Variants in IKZF3 observed in about 807,000 individuals in gnomAD.
IKZF3 encodes the protein IKAROS family zinc finger 3, also known as zinc finger protein Aiolos.
IKZF3 carries 10 observed loss-of-function variants against 49.0 expected under a neutral mutation model. The observed-to-expected ratio is 0.20, with a 90% CI of 0.13 to 0.35. The LOEUF (loss-of-function observed/expected upper bound fraction) is 0.35, where lower values mean the gene tolerates loss of function less well. Ranked by LOEUF, IKZF3 falls within the 10% of genes least tolerant of loss-of-function variation. The pLI is 1.00. For synonymous variants in IKZF3, 209 were observed against 228.2 expected, an observed-to-expected ratio of 0.92 and a Z score of 0.76; for missense variants, 498 against 664.8, an observed-to-expected ratio of 0.75 and a Z score of 2.76.
intron 6 of IKZF3, among the ~76,000 whole-genome samples, chr17:39,786,779 G>T (rs1222872755): frequency 6.6e-5 from 10 of 151,934 alleles, no homozygotes; most frequent in Non-Finnish European, 5.9e-5. Flanking sequence ...TTATAAGGGG[G>T]TAAACATTTC....
At chr17:39,810,887 G>T (rs1475152232) in intron 3 of IKZF3, among the ~76,000 whole-genome samples, 1 of 152,122 alleles carries the variant, frequency 6.6e-6, no homozygotes. Context: ...CCTTTGTTTG[G>T]CATCTTGGAA....
chr17:39,852,986 T>C (rs2062924815), intron 1 of IKZF3, among the ~76,000 whole-genome samples: 1 of 151,864 alleles, frequency 6.6e-6, no homozygotes, highest in Non-Finnish European at 1.5e-5. Context: ...AAACAAAATA[T>C]CATCCATGTG....
chr17:39,767,967 A>T (rs1223824480), intron 7 of IKZF3, among the ~76,000 whole-genome samples: 4 of 152,020 alleles, frequency 2.6e-5, no homozygotes, highest in Admixed American at 2.6e-4. Flanking sequence ...TGGGAGGATC[A>T]CCTGAGCCTG....
chr17:39,768,072 G>C (rs2060338433), intron 7 of IKZF3, among the ~76,000 whole-genome samples: 1 of 152,084 alleles, frequency 6.6e-6, no homozygotes, highest in South Asian at 2.1e-4. Context: ...GTTGTAAAAG[G>C]ACTGCTTTGC....
At chr17:39,822,526 G>A (rs2061837211) in intron 3 of IKZF3, among the ~76,000 whole-genome samples, 1 of 151,804 alleles carries the variant, frequency 6.6e-6, no homozygotes, top group Non-Finnish European at 1.5e-5. Context: ...GCAGAACTGT[G>A]AGTCAATTAA....
Position 39,775,561 on chromosome 17 carries a change from G to A in IKZF3, c.826+2090C>T, listed in dbSNP as rs74642947. On this transcript the variant is annotated intron_variant, in intron 7 of 7. Coordinates refer to ENST00000346872, the MANE Select transcript of IKZF3 (RefSeq NM_012481.5). ...GTTCAACTATAGGTTTAGGGCAACCGAAAATACTAGGGACTGTCTCTCAAA... is the reference window on the plus strand; with the variant it reads ...GTTCAACTATAGGTTTAGGGCAACCAAAAATACTAGGGACTGTCTCTCAAA... Among the ~76,000 whole-genome samples the A allele has an allele frequency of 4.9e-4, 75 of 152,304 alleles. 1 individual carries two copies. Among genetic ancestry groups the A allele is most frequent in the African/African-American group, 1.7e-3 (69 of 41,558 alleles).
At position 39,760,499 on chromosome 17, in the gene IKZF3, T is replaced by C. The variant is rs1046622683; in HGVS notation, c.*5291A>G. On this transcript the variant is annotated 3_prime_UTR_variant, in exon 8 of 8. Coordinates refer to ENST00000346872, the MANE Select transcript of IKZF3 (RefSeq NM_012481.5). ...GCCACCACGCCTGGCTAATTTTGTA[T>C]TTTTAGTAGAGACAGGGTTTCTCCA... 1.3e-5 allele frequency: 2 copies of C among 152,204 alleles called. No individual in the cohort carries two copies. Among genetic ancestry groups the C allele is most frequent in the African/African-American group, 4.8e-5 (2 of 41,426 alleles). The allele number at this position is 152,204 out of a possible 1,614,324, so 9.4% of individuals were successfully genotyped here. A position where few individuals can be genotyped will look rare whatever the true frequency, so the allele number is the denominator to read the frequency against.
chr17:39,853,457 T>TG (rs2062941977), intron 1 of IKZF3, among the ~76,000 whole-genome samples: 1 of 152,232 alleles, frequency 6.6e-6, no homozygotes, highest in African/African-American at 2.4e-5. Context: ...CCACCACTGA[T>TG]GCAATGTATG....
Position 39,766,255 on chromosome 17 carries a change from G to A in IKZF3, c.1065C>T (p.Ala355=). The A allele has an allele frequency of 6.2e-7, 1 of 1,614,112 alleles. No homozygotes were observed. Among genetic ancestry groups the A allele is most frequent in the Non-Finnish European group, 8.5e-7 (1 of 1,180,038 alleles). The change falls in exon 8 of 8, where the codon GCC becomes GCT. Residue 355 remains alanine, a synonymous_variant. Transcript: ENST00000346872. Reference sequence around the variant, plus strand: ...TGCTTTTCTTTTCCAGCTCTTGAGGGGCACCGTTTGACATCTCAGCCCGGG... The same window carrying A: ...TGCTTTTCTTTTCCAGCTCTTGAGGAGCACCGTTTGACATCTCAGCCCGGG... ...ALTRAEMSNG[A]PQELEKKSIH... is the part of the protein sequence containing the mutation.
At chr17:39,773,540 A>C (rs2060497206) in intron 7 of IKZF3, among the ~76,000 whole-genome samples, 1 of 152,218 alleles carries the variant, frequency 6.6e-6, no homozygotes, top group African/African-American at 2.4e-5. Flanking sequence ...TAACATGTTT[A>C]CCACAGGTGA....
At chr17:39,862,060 T>C (rs2063228102) in intron 1 of IKZF3, among the ~76,000 whole-genome samples, 1 of 152,146 alleles carries the variant, frequency 6.6e-6, no homozygotes, top group African/African-American at 2.4e-5. Flanking sequence ...AATAATAAAA[T>C]TTAGTGATTC....
intron 1 of IKZF3, among the ~76,000 whole-genome samples, chr17:39,863,909 A>T (rs2063288903): frequency 6.6e-6 from 1 of 152,228 alleles, no homozygotes; most frequent in Non-Finnish European, 1.5e-5. Flanking sequence ...TAAAATTGCG[A>T]AGAAGTTATC....
chr17:39,781,882 A>G (rs1426279533), intron 6 of IKZF3, among the ~76,000 whole-genome samples: 4 of 152,222 alleles, frequency 2.6e-5, no homozygotes, highest in African/African-American at 9.6e-5. Flanking sequence ...TTAAAAACAT[A>G]AAATTCTGCA....
intron 7 of IKZF3, among the ~76,000 whole-genome samples, chr17:39,774,185 C>T (rs1030738053): frequency 6.6e-6 from 1 of 152,250 alleles, no homozygotes; most frequent in South Asian, 2.1e-4. Context: ...CACCTTTACC[C>T]TCACAGTTCA....
intron 3 of IKZF3, among the ~76,000 whole-genome samples, chr17:39,824,796 C>T (rs1053316746): frequency 5.3e-5 from 8 of 151,712 alleles, no homozygotes; most frequent in Non-Finnish European, 1.2e-4. Context: ...CCCAGGTTCA[C>T]GCAATTCTCC....
Position 39,766,273 on chromosome 17 carries a change from A to G in IKZF3, c.1047T>C (p.Ala349=), listed in dbSNP as rs1348234862. 1 of 1,614,182 alleles carries G rather than the reference A, an allele frequency of 6.2e-7. No homozygotes were observed. The highest frequency in any genetic ancestry group is 1.1e-5 in the South Asian group (1 of 91,084). The change falls in exon 8 of 8, where the codon GCT becomes GCC. Residue 349 remains alanine (A), a synonymous_variant. Coordinates refer to ENST00000346872, the MANE Select transcript of IKZF3 (RefSeq NM_012481.5). ...CTTGAGGGGCACCGTTTGACATCTC[A>G]GCCCGGGTGAGGGCTATGGGATACA... is the stretch of plus-strand genomic sequence containing the variant. ...SSMYPIALTR[A]EMSNGAPQEL... is the part of the protein sequence containing the mutation.
chr17:39,806,766 T>G (rs1044934674), intron 3 of IKZF3, among the ~76,000 whole-genome samples: 1 of 152,194 alleles, frequency 6.6e-6, no homozygotes, highest in African/African-American at 2.4e-5. Flanking sequence ...CCTAGGTGAT[T>G]GCTTCTAATG....
chr17:39,816,805 C>T (rs1316459406), intron 3 of IKZF3, among the ~76,000 whole-genome samples: 2 of 152,204 alleles, frequency 1.3e-5, no homozygotes, highest in African/African-American at 4.8e-5. Flanking sequence ...CCTCTGCCTC[C>T]CAGGCTCAGA....
At chr17:39,776,236 G>A (rs561204727) in intron 7 of IKZF3, among the ~76,000 whole-genome samples, 5 of 152,184 alleles carry the variant, frequency 3.3e-5, no homozygotes, top group East Asian at 1.9e-4. Flanking sequence ...GTGAGACCCC[G>A]TCTCAAAACA....
Sources: gnomAD v4.1 joint callset for allele counts (sites outside exome capture counted in the v4.1 genomes callset) on GRCh38, gnomAD v4.1.1 for gene constraint, MANE v1.5 for transcripts, NCBI Gene and HGNC (gene_info 2026-07-23, HGNC 2026-07-21) for gene names.